TCF4: variants seen among roughly 807,000 people sequenced by gnomAD.
TCF4 encodes SL3-3 enhancer factor 2.
A neutral mutation model predicts 82.1 loss-of-function variants in TCF4; 3 were observed. The observed-to-expected ratio is 0.04, with a 90% confidence interval of 0.02 to 0.09. TCF4 has a LOEUF of 0.09. TCF4 is among the 10% of genes least tolerant of loss of function. The pLI is 1.00. For synonymous variants in TCF4, 276 were observed against 309.6 expected, an observed-to-expected ratio of 0.89 and a Z score of 1.14; for missense variants, 518 against 852.7, an observed-to-expected ratio of 0.61 and a Z score of 4.89.
intron 3 of TCF4, among the ~76,000 whole-genome samples, chr18:55,507,908 C>T (rs2096781104): frequency 6.6e-6 from 1 of 152,140 alleles, no homozygotes; most frequent in African/African-American, 2.4e-5. Context: ...TAGGCATTCA[C>T]TCAAGTAAGG....
intron 3 of TCF4, among the ~76,000 whole-genome samples, chr18:55,548,297 G>A (rs1177657050): frequency 6.6e-6 from 1 of 152,152 alleles, no homozygotes; most frequent in East Asian, 1.9e-4. Context: ...CCTAGCTGTG[G>A]TCAGCAACTT....
intron 8 of TCF4, among the ~76,000 whole-genome samples, chr18:55,282,707 ATGAC>A (rs1358654451): frequency 6.6e-6 from 1 of 152,112 alleles, no homozygotes; most frequent in Non-Finnish European, 1.5e-5. Context: ...ATTATTTTTA[ATGAC>A]TAACACCAGA....
At chr18:55,473,046 A>G (rs2096219790) in intron 3 of TCF4, among the ~76,000 whole-genome samples, 1 of 152,228 alleles carries the variant, frequency 6.6e-6, no homozygotes, top group Admixed American at 6.5e-5. Context: ...CATACATGTA[A>G]TATTTATAGT....
At chr18:55,539,182 TG>T (rs2097144210) in intron 3 of TCF4, among the ~76,000 whole-genome samples, 1 of 152,110 alleles carries the variant, frequency 6.6e-6, no homozygotes, top group African/African-American at 2.4e-5. Context: ...AGCAGATCTA[TG>T]GGCCCTAAGG....
intron 8 of TCF4, 32 bp downstream of exon 8, chr18:55,350,327 C>G (rs371356099): frequency 6.2e-7 from 1 of 1,606,916 alleles, no homozygotes; most frequent in Non-Finnish European, 8.5e-7. Flanking sequence ...ACAAAATAAG[C>G]AATATACAAA....
At chr18:55,283,281 A>G (rs1269937586) in intron 8 of TCF4, among the ~76,000 whole-genome samples, 1 of 152,048 alleles carries the variant, frequency 6.6e-6, no homozygotes, top group African/African-American at 2.4e-5. Context: ...GCACTCATCA[A>G]AGAAAAAAAA....
upstream of TCF4, among the ~76,000 whole-genome samples, chr18:55,592,322 A>C (rs1319753285): frequency 6.6e-6 from 1 of 152,176 alleles, no homozygotes; most frequent in Non-Finnish European, 1.5e-5. Flanking sequence ...TGGAGGCTAC[A>C]AAGTCTGACA....
rs187651563 is a variant in TCF4, at chr18:55,297,480, C to A, written c.550-17824G>T. Among the ~76,000 whole-genome samples the A allele has an allele frequency of 2.0e-4, 30 of 152,182 alleles. 1 individual carries two copies. Among genetic ancestry groups the A allele is most frequent in the African/African-American group, 6.3e-4 (26 of 41,518 alleles). ...AGGGAGGTGGTGAGCTAGCTCTTCA[C>A]ACACTAAGTGAATGCATTCTGTAAC... On this transcript the variant is annotated intron_variant, in intron 8 of 19. Coordinates refer to ENST00000354452, the MANE Select transcript of TCF4 (RefSeq NM_001083962.2).
chr18:55,281,677 C>T (rs1014344813), intron 8 of TCF4, among the ~76,000 whole-genome samples: 10 of 151,448 alleles, frequency 6.6e-5, no homozygotes, highest in Non-Finnish European at 1.2e-4. Flanking sequence ...TATGTCAACA[C>T]CATTTGATGA....
At chr18:55,390,971 A>G (rs2093034277) in intron 6 of TCF4, among the ~76,000 whole-genome samples, 1 of 152,236 alleles carries the variant, frequency 6.6e-6, no homozygotes, top group Non-Finnish European at 1.5e-5. Context: ...AGTTGGGAGT[A>G]GCATTCTGGG....
chr18:55,394,567 C>T (rs553083341), intron 6 of TCF4, among the ~76,000 whole-genome samples: 3 of 152,128 alleles, frequency 2.0e-5, no homozygotes, highest in South Asian at 2.1e-4. Context: ...AAGTGCCGGG[C>T]GAAAGTCGCT....
At chr18:55,586,205 A>AGCGGCAGCGGCAGCG in intron 2 of TCF4, 1 of 847,910 alleles carries the variant, frequency 1.2e-6, no homozygotes, top group Non-Finnish European at 1.7e-6. Flanking sequence ...CAGCAGCAGC[A>AGCGGCAGCGGCAGCG]GCAGCAGCAG....
upstream of TCF4, among the ~76,000 whole-genome samples, chr18:55,593,369 T>G (rs770907443): frequency 1.3e-5 from 2 of 152,210 alleles, no homozygotes; most frequent in African/African-American, 2.4e-5. Context: ...CTATCAAATA[T>G]AAGGCATCAT....
At position 55,622,313 on chromosome 18, in the gene TCF4, C is replaced by T. The variant is rs574109917; in HGVS notation, c.286+8985G>A. 1.8e-4 allele frequency among the ~76,000 whole-genome samples: 27 copies of T among 150,912 alleles called. No homozygotes were observed. In the South Asian group the frequency reaches 2.1e-3, roughly 12 times the overall value. ...CACGAGGTCAGGAGATCGAGACCAT[C>T]CTGCCCAACAGGGTGAAACCCCGTC... On this transcript the variant is annotated intron_variant, in intron 2 of 20. Coordinates refer to the TCF4 transcript ENST00000398339.
intron 3 of TCF4, among the ~76,000 whole-genome samples, chr18:55,558,490 A>T (rs1389361095): frequency 6.6e-6 from 1 of 152,226 alleles, no homozygotes; most frequent in Non-Finnish European, 1.5e-5. Flanking sequence ...GGATCTCCCT[A>T]GTAAAATGTC....
chr18:55,279,667 A>G lies in TCF4; in HGVS notation c.550-11T>C. 1 of 1,613,848 alleles carries G rather than the reference A, an allele frequency of 6.2e-7. No homozygotes were observed. The highest frequency in any genetic ancestry group is 8.5e-7 in the Non-Finnish European group (1 of 1,179,822). On this transcript the variant is annotated splice_polypyrimidine_tract_variant and intron_variant, in intron 8 of 19. Transcript: ENST00000354452. ...TGATGGAGCATAGACCTGAGGAGAA[A>G]GAACCAACTGAGTTTTGCTTTTTGC...
At position 55,275,771 on chromosome 18, in the gene TCF4, A is replaced by G. The variant is rs1249306864; in HGVS notation, c.656-19T>C. ...TGGCCATCTGTAAAGGACAAAGACA[A>G]CCATGACTTTCTGAGGCATTCAGCC... On this transcript the variant is annotated intron_variant, in intron 9 of 19. Transcript: ENST00000354452. 2.5e-6 allele frequency: 4 copies of G among 1,613,690 alleles called. No individual in the cohort carries two copies. Among genetic ancestry groups the G allele is most frequent in the Non-Finnish European group, 3.4e-6 (4 of 1,179,660 alleles).
At chr18:55,532,689 A>T (rs1426990590) in intron 3 of TCF4, among the ~76,000 whole-genome samples, 1 of 152,196 alleles carries the variant, frequency 6.6e-6, no homozygotes, top group Non-Finnish European at 1.5e-5. Flanking sequence ...CTAACCCTAA[A>T]GTTCTATAAT....
intron 17 of TCF4, chr18:55,229,394 A>G (rs2047233715): frequency 9.8e-6 from 4 of 408,774 alleles, no homozygotes; most frequent in South Asian, 6.5e-5. Context: ...TTTTTATTCA[A>G]TGGGGTTACA....
Sources: gnomAD v4.1 joint callset for allele counts (sites outside exome capture counted in the v4.1 genomes callset) on GRCh38, gnomAD v4.1.1 for gene constraint, MANE v1.5 for transcripts, NCBI Gene and HGNC (gene_info 2026-07-23, HGNC 2026-07-21) for gene names.